FNTB: variants seen among roughly 807,000 people sequenced by gnomAD.
FNTB encodes protein farnesyltransferase subunit beta.
A neutral mutation model predicts 59.4 loss-of-function variants in FNTB; 27 were observed. The ratio of observed to expected loss-of-function variants is 0.45; its 90% confidence interval spans 0.34 to 0.63. The LOEUF is 0.63. Ranked by LOEUF, FNTB falls within the 20% of genes least tolerant of loss-of-function variation. The pLI, the probability that FNTB is intolerant of heterozygous loss-of-function variation, is 0.02. For missense variants in FNTB, 449 were observed against 559.6 expected, an observed-to-expected ratio of 0.80 and a Z score of 1.99; for synonymous variants, 230 against 220.7, an observed-to-expected ratio of 1.04 and a Z score of -0.37.
intron 4 of FNTB, among the ~76,000 whole-genome samples, chr14:65,018,760 A>G (rs1489262612): frequency 6.7e-6 from 1 of 149,732 alleles, no homozygotes; most frequent in Non-Finnish European, 1.5e-5. Context: ...CGACGAGCCA[A>G]GATCATGCCA....
rs1305607294 is a variant in FNTB at position 64,990,754 on chromosome 14, CAA to C, written c.144+3658_144+3659del. ...TTAACAGGCTCATTTAGGTTACTGT[CAA>C]GAGTAGATGGTGGGGAGTGAGGGTG... On this transcript the variant is annotated intron_variant, in intron 1 of 11. Transcript: ENST00000246166. This position sits in a 1 kb window ranked among gnomAD's most constrained non-coding sequence, Gnocchi z 5.2. Among the ~76,000 whole-genome samples, 1 of 152,068 alleles carries C rather than the reference CAA, an allele frequency of 6.6e-6. No homozygotes were observed. The highest frequency in any genetic ancestry group is 2.4e-5 in the African/African-American group (1 of 41,396).
Position 65,044,568 on chromosome 14 carries a change from C to A in FNTB, c.955+125C>A. ...CTCTGTCTATCCTGGATTTTGAGTG[C>A]CCAGTGTGGAACCTCATGCCGTGGG... On this transcript the variant is annotated intron_variant, in intron 9 of 11. Coordinates refer to ENST00000246166, the MANE Select transcript of FNTB (RefSeq NM_002028.4). This position sits in a 1 kb window ranked among gnomAD's most constrained non-coding sequence, Gnocchi z 5.5. The A allele has an allele frequency of 7.1e-7, 1 of 1,398,956 alleles. No individual in the cohort carries two copies. The allele number at this position is 1,398,956 out of a possible 1,614,324, so 86.7% of individuals were successfully genotyped here. A position where few individuals can be genotyped will look rare whatever the true frequency, so the allele number is the denominator to read the frequency against.
rs372233090 is a variant in FNTB, at chr14:64,997,630, G to A, written c.145-6619G>A. Among the ~76,000 whole-genome samples, 36 of 152,340 alleles carry A rather than the reference G, an allele frequency of 2.4e-4. No homozygotes were observed. The highest frequency in any genetic ancestry group is 4.3e-4 in the Non-Finnish European group (29 of 68,038). On this transcript the variant is annotated intron_variant, in intron 1 of 11. Transcript: ENST00000246166. The surrounding 1 kb of genome is among the most constrained non-coding windows in gnomAD (Gnocchi z 4.5). Reference sequence around the variant, plus strand: ...TACAAAATGAGTAAATCTCAAAGAGGTGGCATAGACTTCAGGTTTAACTAC... The same window carrying A: ...TACAAAATGAGTAAATCTCAAAGAGATGGCATAGACTTCAGGTTTAACTAC...
intron 4 of FNTB, among the ~76,000 whole-genome samples, chr14:65,022,758 TCTGA>T (rs2061912386): frequency 6.6e-6 from 1 of 152,200 alleles, no homozygotes; most frequent in Admixed American, 6.5e-5. Context: ...CAGATACAGT[TCTGA>T]CTAATACTGC....
intron 3 of FNTB, among the ~76,000 whole-genome samples, chr14:65,013,059 A>G (rs974299291): frequency 1.3e-5 from 2 of 152,234 alleles, no homozygotes; most frequent in Admixed American, 1.3e-4. Flanking sequence ...GAATGTGAAC[A>G]GGAAGTCTCC....
chr14:65,015,264 A>C (rs1462408329), intron 3 of FNTB, among the ~76,000 whole-genome samples: 1 of 151,864 alleles, frequency 6.6e-6, no homozygotes, highest in Non-Finnish European at 1.5e-5. Flanking sequence ...CACTATGCCC[A>C]GCTAATTTTT....
At chr14:65,056,424 G>A (rs2062738717) in intron 11 of FNTB, among the ~76,000 whole-genome samples, 1 of 152,180 alleles carries the variant, frequency 6.6e-6, no homozygotes, top group Non-Finnish European at 1.5e-5. Context: ...GGTTGAAGGG[G>A]ACACATATTG....
rs1162817683 is a variant in FNTB at position 64,987,055 on chromosome 14, G to T, written c.102G>T (p.Arg34=). 6.2e-7 allele frequency: 1 copy of T among 1,614,150 alleles called. No homozygotes were observed. Among genetic ancestry groups the T allele is most frequent in the Non-Finnish European group, 8.5e-7 (1 of 1,180,056 alleles). Residue 34 remains arginine (R), a synonymous_variant, in exon 1 of 12, where the codon CGG becomes CGT. Coordinates refer to ENST00000246166, the MANE Select transcript of FNTB (RefSeq NM_002028.4). Reference sequence around the variant, plus strand: ...TGAGGCCCGAGCACGCGCGAGAGCGGTTGCAGGACGACTCGGTGGAAACAG... The same window carrying T: ...TGAGGCCCGAGCACGCGCGAGAGCGTTTGCAGGACGACTCGGTGGAAACAG... ...YSLRPEHARE[R]LQDDSVETVT... is the part of the protein sequence containing the mutation.
At chr14:65,045,682 C>T (rs1414005695) in intron 9 of FNTB, among the ~76,000 whole-genome samples, 1 of 152,096 alleles carries the variant, frequency 6.6e-6, no homozygotes, top group Non-Finnish European at 1.5e-5. Context: ...TCCCAAAGTG[C>T]TGGGATTATA....
intron 8 of FNTB, among the ~76,000 whole-genome samples, chr14:65,043,648 C>T (rs1296935273): frequency 6.6e-6 from 1 of 151,334 alleles, no homozygotes; most frequent in East Asian, 1.9e-4. Flanking sequence ...AGGTGAAACC[C>T]CGTCTCTACT....
chr14:65,015,618 C>A lies in FNTB; in HGVS notation c.283-7C>A. 6.2e-7 allele frequency: 1 copy of A among 1,614,084 alleles called. No individual in the cohort carries two copies. The highest frequency in any genetic ancestry group is 1.1e-5 in the South Asian group (1 of 91,072). On this transcript the variant is annotated splice_region_variant and splice_polypyrimidine_tract_variant and intron_variant, in intron 3 of 11. Transcript: ENST00000246166. ...AAGGGATGTTTTCTCTCCTGTCTCT[C>A]TCCCAGTGTCTGGATGCCAGCCGCC...
chr14:64,996,766 CTT>C (rs34327825), intron 1 of FNTB, among the ~76,000 whole-genome samples: 7,820 of 94,358 alleles, frequency 0.083, 174 homozygotes, highest in Admixed American at 0.15. Flanking sequence ...TTGCTAACAT[CTT>C]TTTTTTTTTT....
At chr14:64,996,554 A>G (rs757284819) in intron 1 of FNTB, among the ~76,000 whole-genome samples, 3 of 152,208 alleles carry the variant, frequency 2.0e-5, no homozygotes, top group Non-Finnish European at 4.4e-5. Context: ...GGGAAAACAA[A>G]TAAGGTCTAA....
chr14:64,997,758 G>C lies in FNTB; in HGVS notation c.145-6491G>C, dbSNP rs1888455551. Among the ~76,000 whole-genome samples the C allele has an allele frequency of 6.6e-6, 1 of 152,232 alleles. No individual in the cohort carries two copies. Among genetic ancestry groups the C allele is most frequent in the Admixed American group, 6.5e-5 (1 of 15,284 alleles). On this transcript the variant is annotated intron_variant, in intron 1 of 11. Transcript: ENST00000246166. This position sits in a 1 kb window ranked among gnomAD's most constrained non-coding sequence, Gnocchi z 4.5. ...GATAAGGTTTGTTATGCAGGTTTAG[G>C]CAGGTGCCTTCTCCATTGGTAAGAG...
intron 7 of FNTB, 109 bp from the exon 8 acceptor site, chr14:65,040,681 G>C: frequency 7.9e-7 from 1 of 1,260,162 alleles, no homozygotes; most frequent in African/African-American, 1.6e-5. Flanking sequence ...AGTTGTGATG[G>C]TTCACACCTT....
At chr14:65,050,609 G>A (rs963725105) in intron 9 of FNTB, among the ~76,000 whole-genome samples, 5 of 152,158 alleles carry the variant, frequency 3.3e-5, no homozygotes, top group African/African-American at 1.2e-4. Context: ...CAACAAAAAG[G>A]TGCTAATGCT....
chr14:65,058,062 A>G (rs1432940650), intron 11 of FNTB, among the ~76,000 whole-genome samples: 1 of 150,252 alleles, frequency 6.7e-6, no homozygotes, highest in Non-Finnish European at 1.5e-5. Context: ...TTCTAATGGG[A>G]TTTTTATTGG....
intron 4 of FNTB, among the ~76,000 whole-genome samples, chr14:65,025,390 G>T (rs754127169): frequency 6.6e-6 from 1 of 152,206 alleles, no homozygotes; most frequent in Admixed American, 6.5e-5. Context: ...CTTTTGGTAT[G>T]CTAGTGCAGC....
rs1025944660 is a variant in FNTB at position 65,029,171 on chromosome 14, A to G, written c.605+1390A>G. ...TCTGCCATTCGTGCCCGTGCTTTCT[A>G]TTTACATAAAGGATTAAAGATATGA... On this transcript the variant is annotated intron_variant, in intron 6 of 11. Transcript: ENST00000246166. The surrounding 1 kb of genome is among the most constrained non-coding windows in gnomAD (Gnocchi z 4.7). Among the ~76,000 whole-genome samples, 10 of 152,070 alleles carry G rather than the reference A, an allele frequency of 6.6e-5. No homozygotes were observed. Among genetic ancestry groups the G allele is most frequent in the African/African-American group, 1.4e-4 (6 of 41,384 alleles).
Sources: allele counts gnomAD v4.1 joint callset (sites outside exome capture counted in the v4.1 genomes callset), GRCh38; gene constraint gnomAD v4.1.1; non-coding constraint Gnocchi (gnomAD v3.1); transcripts MANE v1.5; gene names NCBI Gene and HGNC (gene_info 2026-07-23, HGNC 2026-07-21).